SNED1: variants seen among roughly 807,000 people sequenced by gnomAD.
SNED1 encodes sushi, nidogen and EGF like domains 1, also known as sushi, nidogen and EGF-like domain-containing protein 1.
SNED1 carries 81 observed loss-of-function variants against 166.7 expected under a neutral mutation model. That is an observed-to-expected ratio of 0.49 (90% CI 0.41 to 0.58). The LOEUF (loss-of-function observed/expected upper bound fraction) is 0.58. Ranked by LOEUF, SNED1 falls within the 20% of genes least tolerant of loss-of-function variation. The probability of loss-of-function intolerance (pLI) is 0.00; values close to 1 mark genes in which losing one functional copy is unlikely to be tolerated. For missense variants in SNED1, 1,604 were observed against 2,000.2 expected, an observed-to-expected ratio of 0.80 and a Z score of 3.78; for synonymous variants, 762 against 822.0, an observed-to-expected ratio of 0.93 and a Z score of 1.25.
intron 16 of SNED1, among the ~76,000 whole-genome samples, chr2:241,057,867 TAAGAG>T (rs200300574): frequency 1.5e-4 from 23 of 152,220 alleles, no homozygotes; most frequent in East Asian, 1.2e-3. Flanking sequence ...TAAACCCAGT[TAAGAG>T]AAGGGAGAGT....
rs368645171 is a variant in SNED1, at chr2:240,999,311, G to C, written c.213+261G>C. On this transcript the variant is annotated intron_variant, in intron 1 of 31. Coordinates refer to ENST00000310397, the MANE Select transcript of SNED1 (RefSeq NM_001080437.3). This position sits in a 1 kb window ranked among gnomAD's most constrained non-coding sequence, Gnocchi z 5.8. ...GAGCGCGGCGCCCCGGCCCCTGCCA[G>C]ACCTGCCGAGCGCGTCTTCCCGGCG... Among the ~76,000 whole-genome samples, 84 of 151,712 alleles carry C rather than the reference G, an allele frequency of 5.5e-4. 2 individuals carry two copies. In the East Asian group the frequency reaches 0.015, roughly 27 times the overall value.
chr2:241,036,704 G>A lies in SNED1; in HGVS notation c.806-86G>A, dbSNP rs1003032317. The A allele has an allele frequency of 9.6e-6, 15 of 1,562,268 alleles. No individual in the cohort carries two copies. The Admixed American group carries it at 2.6e-4, about 27-fold the overall frequency. On this transcript the variant is annotated intron_variant, in intron 4 of 31. Coordinates refer to ENST00000310397, the MANE Select transcript of SNED1 (RefSeq NM_001080437.3). The stretch of plus-strand genomic sequence containing the variant: ...CAGAGGCCGACCTTTTGGGTCAGGG[G>A]AGGGAAGGGAGATGCGGATGGGAGT...
At chr2:241,071,760 G>C (rs374519522) in intron 25 of SNED1, 36 bp from the exon 26 acceptor site, 2 of 1,543,358 alleles carry the variant, frequency 1.3e-6, no homozygotes, top group Non-Finnish European at 8.8e-7. Flanking sequence ...CCGAGGCGGC[G>C]CTCGGACTGT....
In SNED1 at chr2:241,047,868, T is replaced by TCC. The variant is rs1559261332; in HGVS notation, c.1274-447_1274-446insCC. Among the ~76,000 whole-genome samples the TCC allele has an allele frequency of 7.3e-5, 11 of 151,700 alleles. No individual in the cohort carries two copies. In the East Asian group the frequency reaches 1.8e-3, roughly 25 times the overall value. On this transcript the variant is annotated intron_variant, in intron 8 of 31. Transcript: ENST00000310397. ...TCTGTCCAATCCCGGGTGGCTTCTC[T>TCC]GGTGCTTCTTGTTCTGTCCAATCCT...
chr2:241,079,778 G>A (rs973950670), intron 27 of SNED1, among the ~76,000 whole-genome samples: 1 of 152,154 alleles, frequency 6.6e-6, no homozygotes, highest in Non-Finnish European at 1.5e-5. Flanking sequence ...AATAAGAGTA[G>A]TCTGTTCACC....
In SNED1 at chr2:241,080,689, C is replaced by T. The variant is rs372694573; in HGVS notation, c.3917-988C>T. Among the ~76,000 whole-genome samples, 46 of 152,350 alleles carry T rather than the reference C, an allele frequency of 3.0e-4. No individual in the cohort carries two copies. The East Asian group carries it at 7.1e-3, about 24-fold the overall frequency. On this transcript the variant is annotated intron_variant, in intron 27 of 31. Transcript: ENST00000310397. ...CAGGAAAACAACTGACAGCAATGGA[C>T]GGAAGCCCATGAAATATACCAATAT...
At chr2:241,076,744 C>A (rs777110453) in intron 27 of SNED1, among the ~76,000 whole-genome samples, 1 of 151,612 alleles carries the variant, frequency 6.6e-6, no homozygotes, top group Non-Finnish European at 1.5e-5. Context: ...TGGAAAAGAA[C>A]TGAGAGTCCA....
Position 241,075,923 on chromosome 2 carries a change from C to T in SNED1, c.3916+2559C>T, listed in dbSNP as rs2125269591. Among the ~76,000 whole-genome samples the T allele has an allele frequency of 6.6e-6, 1 of 152,256 alleles. No homozygotes were observed. Among genetic ancestry groups the T allele is most frequent in the Non-Finnish European group, 1.5e-5 (1 of 68,016 alleles). The stretch of plus-strand genomic sequence containing the variant: ...CATATGGGTAAACTGGATTTTTCAT[C>T]TCTTCATGCTAAAAAGTCCCTTTTT... On this transcript the variant is annotated intron_variant, in intron 27 of 31. Coordinates refer to ENST00000310397, the MANE Select transcript of SNED1 (RefSeq NM_001080437.3). The surrounding 1 kb of genome is among the most constrained non-coding windows in gnomAD (Gnocchi z 4.8).
rs1415351479 is a variant in SNED1 at position 241,073,040 on chromosome 2, T to C, written c.3818-226T>C. ...CCCTGAAGCAGCTCTGAGGGGGCCC[T>C]GCAAGGGGAAGGCCGAGCCCCTCCA... On this transcript the variant is annotated intron_variant, in intron 26 of 31. Coordinates refer to ENST00000310397, the MANE Select transcript of SNED1 (RefSeq NM_001080437.3). This position sits in a 1 kb window ranked among gnomAD's most constrained non-coding sequence, Gnocchi z 6.6. 9.3e-6 allele frequency: 5 copies of C among 537,826 alleles called. No homozygotes were observed. The highest frequency in any genetic ancestry group is 1.7e-5 in the Non-Finnish European group (5 of 302,334). 33.3% of individuals were successfully genotyped at this position (537,826 alleles called of 1,614,324 possible).
At chr2:241,080,396 T>G (rs984766617) in intron 27 of SNED1, among the ~76,000 whole-genome samples, 2 of 152,264 alleles carry the variant, frequency 1.3e-5, no homozygotes, top group African/African-American at 4.8e-5. Context: ...TTTCTAGTTC[T>G]GTTCATTGAA....
rs1367920563 is a variant in SNED1 at position 241,062,692 on chromosome 2, T to C, written c.2258-99T>C. Reference sequence around the variant, plus strand: ...GGCCTTTCCAACCACTGATGATGTATCATCGAATTCTGTCTGGCCCCTCAG... The same window carrying C: ...GGCCTTTCCAACCACTGATGATGTACCATCGAATTCTGTCTGGCCCCTCAG... On this transcript the variant is annotated intron_variant, in intron 16 of 31. Transcript: ENST00000310397. 12 of 791,946 alleles carry C rather than the reference T, an allele frequency of 1.5e-5. No homozygotes were observed. The East Asian group carries it at 2.9e-4, about 19-fold the overall frequency. 49.1% of individuals were successfully genotyped at this position (791,946 alleles called of 1,614,324 possible).
At chr2:241,034,529 G>T (rs2061285787) in intron 3 of SNED1, 39 bp from the exon 4 acceptor site, 2 of 1,549,124 alleles carry the variant, frequency 1.3e-6, no homozygotes, top group Middle Eastern at 1.8e-4. Flanking sequence ...TAGACCTGGG[G>T]AACTGGCCTC....
At chr2:241,004,222 T>A (rs991491675) in intron 1 of SNED1, among the ~76,000 whole-genome samples, 4 of 152,260 alleles carry the variant, frequency 2.6e-5, no homozygotes, top group African/African-American at 9.6e-5. Context: ...CTTCTTGTTC[T>A]GGCTTCCTGT....
Position 241,088,666 on chromosome 2 carries a change from C to G in SNED1, c.*1+264C>G, listed in dbSNP as rs147147623. ...CTCTGTGGATAGGGCAAATCCCACTCTCTCTCAAGGGAAATGTGGCCAAGA... is the reference window on the plus strand; with the variant it reads ...CTCTGTGGATAGGGCAAATCCCACTGTCTCTCAAGGGAAATGTGGCCAAGA... On this transcript the variant is annotated intron_variant, in intron 31 of 31. Coordinates refer to ENST00000310397, the MANE Select transcript of SNED1 (RefSeq NM_001080437.3). 3.9e-3 allele frequency: 1,927 copies of G among 488,870 alleles called. 28 individuals are homozygous for G. Among genetic ancestry groups the G allele is most frequent in the African/African-American group, 0.033 (1,671 of 50,740 alleles). The allele number at this position is 488,870 out of a possible 1,614,324, so 30.3% of individuals were successfully genotyped here.
At chr2:241,029,829 C>A (rs1051697652) in intron 1 of SNED1, among the ~76,000 whole-genome samples, 25 of 152,234 alleles carry the variant, frequency 1.6e-4, no homozygotes, top group African/African-American at 5.5e-4. Flanking sequence ...GGCACCCCTC[C>A]CCGAAGCCCA....
chr2:241,004,765 C>T (rs1262167003), intron 1 of SNED1, among the ~76,000 whole-genome samples: 1 of 152,148 alleles, frequency 6.6e-6, no homozygotes, highest in Admixed American at 6.5e-5. Context: ...ACTCTGTCGC[C>T]AGGTTGGAGT....
intron 24 of SNED1, 64 bp from the exon 25 acceptor site, chr2:241,071,512 C>G: frequency 6.5e-7 from 1 of 1,530,468 alleles, no homozygotes; most frequent in Non-Finnish European, 8.8e-7. Flanking sequence ...ACCCATGCCA[C>G]AGGGGCAGGG....
chr2:241,094,555 T>C lies in SNED1; in HGVS notation c.*2919T>C. Reference sequence around the variant, plus strand: ...ACCCGGCTGAAAAACCAGCTCCTTATTTTTCTTTTAAATAAAATAATACGA... The same window carrying C: ...ACCCGGCTGAAAAACCAGCTCCTTACTTTTCTTTTAAATAAAATAATACGA... On this transcript the variant is annotated 3_prime_UTR_variant, in exon 32 of 32. Coordinates refer to ENST00000310397, the MANE Select transcript of SNED1 (RefSeq NM_001080437.3). The surrounding 1 kb of genome is among the most constrained non-coding windows in gnomAD (Gnocchi z 4.3). 2.7e-6 allele frequency: 1 copy of C among 365,806 alleles called. No individual in the cohort carries two copies. Among genetic ancestry groups the C allele is most frequent in the East Asian group, 7.5e-5 (1 of 13,402 alleles). 22.7% of individuals were successfully genotyped at this position (365,806 alleles called of 1,614,324 possible).
chr2:241,064,100 C>T lies in SNED1; in HGVS notation c.2574C>T (p.Ser858=). 1 of 1,566,128 alleles carries T rather than the reference C, an allele frequency of 6.4e-7. No homozygotes were observed. The highest frequency in any genetic ancestry group is 2.4e-5 in the East Asian group (1 of 41,816). ...CCTACCTGTGCGTCTGCCCAGAGAG[C>T]TTCTTCGGCTACCACTGCGAGACAG... ...GGAYLCVCPE[S]FFGYHCETVS... is the part of the protein sequence containing the mutation. Residue 858 remains serine (S), a synonymous_variant, in exon 19 of 32, where the codon AGC becomes AGT. Transcript: ENST00000310397. This position sits in a 1 kb window ranked among gnomAD's most constrained non-coding sequence, Gnocchi z 7.0.
Sources: gnomAD v4.1 joint callset for allele counts (sites outside exome capture counted in the v4.1 genomes callset) on GRCh38, gnomAD v4.1.1 for gene constraint, Gnocchi (gnomAD v3.1) non-coding constraint, MANE v1.5 for transcripts, NCBI Gene and HGNC (gene_info 2026-07-23, HGNC 2026-07-21) for gene names.